Variants in AKAP7 observed in about 807,000 individuals in gnomAD.
AKAP7 encodes A kinase (PRKA) anchor protein 7.
In AKAP7, 39 loss-of-function variants were observed where a neutral mutation model predicts 39.5. The ratio of observed to expected loss-of-function variants is 0.99; its 90% CI spans 0.76 to 1.29. The LOEUF (loss-of-function observed/expected upper bound fraction) is 1.29, where lower values mean the gene tolerates loss of function less well. AKAP7 is among the 50% of genes most tolerant of loss of function. AKAP7 has a pLI of 0.00. For missense variants in AKAP7, 414 were observed against 407.7 expected (o/e 1.02, Z -0.13); for synonymous variants, 140 against 139.1 (o/e 1.01, Z -0.05).
chr6:131,182,019 A>G (rs1340768024), intron 5 of AKAP7, among the ~76,000 whole-genome samples: 1 of 151,948 alleles, frequency 6.6e-6, no homozygotes, highest in East Asian at 1.9e-4. Flanking sequence ...TCACCTGCTC[A>G]GGAGGCTGAG....
At chr6:131,192,970 A>G (rs1227352420) in intron 5 of AKAP7, among the ~76,000 whole-genome samples, 1 of 152,092 alleles carries the variant, frequency 6.6e-6, no homozygotes, top group African/African-American at 2.4e-5. Context: ...ACCAGTTCTA[A>G]TAGTTTTTGG....
chr6:131,154,815 CTT>C (rs1348052021), intron 2 of AKAP7, among the ~76,000 whole-genome samples: 1 of 152,096 alleles, frequency 6.6e-6, no homozygotes, highest in Admixed American at 6.5e-5. Flanking sequence ...TGACACATCT[CTT>C]GAGTCTCTTT....
intron 7 of AKAP7, among the ~76,000 whole-genome samples, chr6:131,230,833 TGAA>T (rs1204014532): frequency 1.3e-5 from 2 of 152,156 alleles, no homozygotes; most frequent in African/African-American, 2.4e-5. Context: ...CAACTAAACT[TGAA>T]GAAACTATAG....
At chr6:131,228,166 A>G (rs1231123182) in intron 7 of AKAP7, among the ~76,000 whole-genome samples, 1 of 152,228 alleles carries the variant, frequency 6.6e-6, no homozygotes, top group Non-Finnish European at 1.5e-5. Flanking sequence ...GGAAGATAGT[A>G]ACCATTGTTT....
intron 2 of AKAP7, among the ~76,000 whole-genome samples, chr6:131,154,943 T>G (rs936073593): frequency 2.0e-5 from 3 of 152,170 alleles, no homozygotes; most frequent in Non-Finnish European, 4.4e-5. Context: ...TTTTTCTGTC[T>G]CTTCTAGTAA....
upstream of AKAP7, among the ~76,000 whole-genome samples, chr6:131,134,513 T>C (rs1800404877): frequency 6.6e-6 from 1 of 152,206 alleles, no homozygotes; most frequent in South Asian, 2.1e-4. Context: ...TATGTTTCTT[T>C]CTCTGCTATT....
chr6:131,208,303 G>C (rs1181146315), intron 6 of AKAP7, among the ~76,000 whole-genome samples: 1 of 152,084 alleles, frequency 6.6e-6, no homozygotes, highest in Non-Finnish European at 1.5e-5. Context: ...TGTTTACAAA[G>C]GTAAACCTGC....
chr6:131,230,971 T>C (rs1222156244), intron 7 of AKAP7, among the ~76,000 whole-genome samples: 1 of 152,166 alleles, frequency 6.6e-6, no homozygotes, highest in Non-Finnish European at 1.5e-5. Context: ...CCAGTCATTT[T>C]GAAGAGTATA....
intron 5 of AKAP7, among the ~76,000 whole-genome samples, chr6:131,180,127 T>TG (rs1262065129): frequency 2.0e-5 from 3 of 152,226 alleles, no homozygotes; most frequent in Non-Finnish European, 2.9e-5. Flanking sequence ...CAGATGGCAC[T>TG]GAGGCTGGGA....
At chr6:131,279,811 C>T (rs887591201) in intron 7 of AKAP7, among the ~76,000 whole-genome samples, 2 of 152,268 alleles carry the variant, frequency 1.3e-5, no homozygotes, top group East Asian at 3.9e-4. Flanking sequence ...CAGATGTAGA[C>T]AGTCATTTAC....
intron 7 of AKAP7, among the ~76,000 whole-genome samples, chr6:131,247,287 A>ATATATATATATATATG (rs1812087649): frequency 1.2e-4 from 10 of 81,700 alleles, no homozygotes; most frequent in Non-Finnish European, 2.5e-4. Flanking sequence ...ATATATATAT[A>ATATATATATATATATG]TATATATATA....
intron 5 of AKAP7, among the ~76,000 whole-genome samples, chr6:131,182,500 A>G (rs572747883): frequency 2.0e-5 from 3 of 152,162 alleles, no homozygotes; most frequent in Non-Finnish European, 4.4e-5. Flanking sequence ...TTAATGCTTT[A>G]TAATATTCCG....
chr6:131,213,517 A>G (rs567354906), intron 6 of AKAP7, among the ~76,000 whole-genome samples: 2 of 152,320 alleles, frequency 1.3e-5, no homozygotes, highest in Admixed American at 6.5e-5. Context: ...AAAACAGATG[A>G]TAGGAAGGAG....
In AKAP7 at chr6:131,165,223, T is replaced by A; in HGVS notation, c.428+6T>A. ...AATGAAGATGAAGTAAACATGTGAG[T>A]AATGTATCTTTCTTAAATATAATTT... On this transcript the variant is annotated splice_donor_region_variant and intron_variant, in intron 4 of 7. Coordinates refer to ENST00000431975, the MANE Select transcript of AKAP7 (RefSeq NM_016377.4). 6.3e-7 allele frequency: 1 copy of A among 1,589,242 alleles called. No individual in the cohort carries two copies. Among genetic ancestry groups the A allele is most frequent in the Non-Finnish European group, 8.6e-7 (1 of 1,167,466 alleles).
rs537216747 is a variant in AKAP7, at chr6:131,154,008, G to A, written c.152-6051G>A. ...GTGGATCACCTGAGGTAAGGAGTTC[G>A]AGACCATCCTGGCCAATATGGTGAA... is the stretch of plus-strand genomic sequence containing the variant. On this transcript the variant is annotated intron_variant, in intron 2 of 7. Transcript: ENST00000431975. Among the ~76,000 whole-genome samples, 6 of 152,148 alleles carry A rather than the reference G, an allele frequency of 3.9e-5. No homozygotes were observed. In the South Asian group the frequency reaches 1.0e-3, roughly 26 times the overall value.
At chr6:131,150,839 T>C (rs940382978) in intron 2 of AKAP7, among the ~76,000 whole-genome samples, 15 of 152,170 alleles carry the variant, frequency 9.9e-5, no homozygotes, top group Admixed American at 7.9e-4. Flanking sequence ...AAAGATTCAA[T>C]TCCTCAATAC....
intron 5 of AKAP7, chr6:131,184,675 A>G (rs1805641164): frequency 2.6e-6 from 2 of 775,436 alleles, no homozygotes; most frequent in Non-Finnish European, 4.8e-6. Context: ...CCCCAGGCAG[A>G]AGTTACAGTA....
chr6:131,126,713 T>C, the AKAP7 span, among the ~76,000 whole-genome samples: 1 of 152,154 alleles, frequency 6.6e-6, no homozygotes, highest in South Asian at 2.1e-4. Context: ...CCACACTACC[T>C]GAATCCTAGG....
intron 7 of AKAP7, among the ~76,000 whole-genome samples, chr6:131,236,389 C>T (rs960370010): frequency 8.5e-5 from 13 of 152,270 alleles, no homozygotes; most frequent in African/African-American, 3.1e-4. Context: ...GCAATGTGGG[C>T]TCTTTTTTGG....
Sources: allele counts gnomAD v4.1 joint callset (sites outside exome capture counted in the v4.1 genomes callset), GRCh38; gene constraint gnomAD v4.1.1; transcripts MANE v1.5; gene names NCBI Gene and HGNC (gene_info 2026-07-23, HGNC 2026-07-21).